The following SAMD12 variants were observed in gnomAD, a reference collection of about 807,000 sequenced individuals.
SAMD12 encodes sterile alpha motif domain containing 12.
SAMD12 carries 9 observed loss-of-function variants against 15.0 expected under a neutral mutation model. The observed-to-expected ratio is 0.60, with a 90% CI of 0.36 to 1.05. The LOEUF is 1.05. Among genes scored for constraint, SAMD12 ranks in the 50% least tolerant of loss-of-function variants. SAMD12 has a pLI of 0.01. For missense variants in SAMD12, 230 were observed against 234.2 expected, an observed-to-expected ratio of 0.98 and a Z score of 0.12; for synonymous variants, 86 against 90.1, an observed-to-expected ratio of 0.96 and a Z score of 0.25.
intron 1 of SAMD12, among the ~76,000 whole-genome samples, chr8:118,603,915 C>A (rs764189370): frequency 1.3e-5 from 2 of 151,976 alleles, no homozygotes; most frequent in African/African-American, 2.4e-5. Context: ...TAGAACACAG[C>A]ATATAACAAA....
At chr8:118,162,388 T>C in the SAMD12 span, among the ~76,000 whole-genome samples, 8 of 151,308 alleles carry the variant, frequency 5.3e-5, no homozygotes, top group Non-Finnish European at 1.0e-4. Context: ...TGTAATCTTA[T>C]TGGCAGGAAA....
chr8:118,228,024 T>C (rs4384010), intron 4 of SAMD12, among the ~76,000 whole-genome samples: 47,231 of 152,080 alleles, frequency 0.31, 9,815 homozygotes, highest in African/African-American at 0.6. Flanking sequence ...AACAAAAATG[T>C]AAAGTGAGGA....
chr8:118,271,445 T>C (rs933537227), intron 4 of SAMD12, among the ~76,000 whole-genome samples: 1 of 152,104 alleles, frequency 6.6e-6, no homozygotes, highest in African/African-American at 2.4e-5. Context: ...ACCCAAACCA[T>C]ATCATTCCAC....
At chr8:118,345,100 C>T (rs868006316) in intron 4 of SAMD12, among the ~76,000 whole-genome samples, 9 of 152,064 alleles carry the variant, frequency 5.9e-5, no homozygotes, top group Non-Finnish European at 8.8e-5. Context: ...ATGCCCTATA[C>T]GAGGGTACCA....
intron 4 of SAMD12, among the ~76,000 whole-genome samples, chr8:118,212,078 G>GTGTGTT (rs1554612946): frequency 0.012 from 1,777 of 150,936 alleles, 20 homozygotes; most frequent in African/African-American, 0.024. Context: ...GTGTGTGTGT[G>GTGTGTT]TGTGTTTGTG....
At chr8:118,254,494 G>A (rs189512114) in intron 4 of SAMD12, among the ~76,000 whole-genome samples, 8 of 152,162 alleles carry the variant, frequency 5.3e-5, no homozygotes, top group Admixed American at 3.9e-4. Context: ...CATCCATCTC[G>A]CCACACCAGG....
At chr8:118,265,911 C>T (rs1813185061) in intron 4 of SAMD12, among the ~76,000 whole-genome samples, 1 of 152,000 alleles carries the variant, frequency 6.6e-6, no homozygotes, top group African/African-American at 2.4e-5. Context: ...CAATATAAGA[C>T]AATAAGGTAC....
chr8:118,596,454 A>G (rs917742208), intron 1 of SAMD12, among the ~76,000 whole-genome samples: 4 of 152,174 alleles, frequency 2.6e-5, no homozygotes, highest in African/African-American at 9.7e-5. Context: ...TCCATTCTAA[A>G]GAACCCTATC....
intron 4 of SAMD12, among the ~76,000 whole-genome samples, chr8:118,330,853 A>G (rs1415944813): frequency 6.6e-6 from 1 of 152,096 alleles, no homozygotes; most frequent in Non-Finnish European, 1.5e-5. Flanking sequence ...AAAATTACCT[A>G]TCGGGTACAA....
chr8:118,216,703 A>G (rs547184897), intron 4 of SAMD12, among the ~76,000 whole-genome samples: 9 of 152,324 alleles, frequency 5.9e-5, no homozygotes, highest in African/African-American at 2.2e-4. Flanking sequence ...TAGGGTAGGG[A>G]TATGAGTATC....
intron 4 of SAMD12, chr8:118,282,220 A>T: frequency 2.3e-6 from 1 of 441,774 alleles, no homozygotes; most frequent in East Asian, 7.1e-5. Flanking sequence ...CTGGGTTTGG[A>T]GCAGCTATAC....
chr8:118,610,372 G>T (rs1187762887), intron 1 of SAMD12, among the ~76,000 whole-genome samples: 2 of 152,160 alleles, frequency 1.3e-5, no homozygotes, highest in Non-Finnish European at 2.9e-5. Context: ...CCAAATTAGT[G>T]AACTTTGACA....
the SAMD12 span, among the ~76,000 whole-genome samples, chr8:118,149,608 G>A: frequency 6.6e-6 from 1 of 151,972 alleles, no homozygotes; most frequent in East Asian, 1.9e-4. Flanking sequence ...TTTCTTCTAT[G>A]GGTTGTGTTA....
At chr8:118,190,033 T>C (rs966772632) in exon 5 of SAMD12, 1 of 151,834 alleles carries the variant, frequency 6.6e-6, no homozygotes, top group Non-Finnish European at 1.5e-5. Flanking sequence ...TAAACACTCT[T>C]GGAAGACCAA....
chr8:118,198,390 C>T (rs182045408), intron 4 of SAMD12, among the ~76,000 whole-genome samples: 3 of 152,258 alleles, frequency 2.0e-5, no homozygotes, highest in Non-Finnish European at 2.9e-5. Context: ...TTTAAATTGT[C>T]TAAAGTTCCC....
chr8:118,521,734 A>T (rs1247890196), intron 2 of SAMD12, among the ~76,000 whole-genome samples: 1 of 152,158 alleles, frequency 6.6e-6, no homozygotes, highest in Non-Finnish European at 1.5e-5. Flanking sequence ...ATGCTAAGTG[A>T]TAAGGCCTAT....
At chr8:118,385,870 C>G (rs1378947725) in intron 3 of SAMD12, among the ~76,000 whole-genome samples, 1 of 152,126 alleles carries the variant, frequency 6.6e-6, no homozygotes, top group Non-Finnish European at 1.5e-5. Flanking sequence ...TTGGTTAAAA[C>G]AAGAAGAAGA....
chr8:118,283,125 A>AT (rs200072511), intron 4 of SAMD12, among the ~76,000 whole-genome samples: 50 of 152,092 alleles, frequency 3.3e-4, no homozygotes, highest in African/African-American at 1.2e-3. Flanking sequence ...CTGGTACTTT[A>AT]TTTTTTTAAT....
chr8:118,517,187 A>G (rs1825266652), intron 2 of SAMD12, among the ~76,000 whole-genome samples: 1 of 152,152 alleles, frequency 6.6e-6, no homozygotes, highest in Non-Finnish European at 1.5e-5. Context: ...CAGGGAGAAT[A>G]GAGTAGTTAA....
Sources: allele counts gnomAD v4.1 joint callset (sites outside exome capture counted in the v4.1 genomes callset), GRCh38; gene constraint gnomAD v4.1.1; transcripts MANE v1.5; gene names NCBI Gene and HGNC (gene_info 2026-07-23, HGNC 2026-07-21).